CACNA1C: variants seen among roughly 807,000 people sequenced by gnomAD.
CACNA1C encodes calcium voltage-gated channel subunit alpha1 C, also known as voltage-dependent L-type calcium channel subunit alpha-1C.
In CACNA1C, 30 loss-of-function variants were observed where a neutral mutation model predicts 229.0. The observed-to-expected ratio is 0.13, with a 90% confidence interval of 0.10 to 0.18. The LOEUF is 0.18. Among genes scored for constraint, CACNA1C ranks in the 10% least tolerant of loss-of-function variants. CACNA1C has a pLI of 1.00. For missense variants in CACNA1C, 1,658 were observed against 2,845.0 expected, an observed-to-expected ratio of 0.58 and a Z score of 9.49; for synonymous variants, 1,114 against 1,132.5, an observed-to-expected ratio of 0.98 and a Z score of 0.33.
At chr12:2,242,454 A>G (rs901786681) in intron 3 of CACNA1C, among the ~76,000 whole-genome samples, 4 of 152,204 alleles carry the variant, frequency 2.6e-5, no homozygotes, top group Non-Finnish European at 4.4e-5. Context: ...GACGGTCATC[A>G]CTGAGGAAGT....
At chr12:2,506,424 C>A (rs1168058882) in intron 8 of CACNA1C, among the ~76,000 whole-genome samples, 1 of 152,176 alleles carries the variant, frequency 6.6e-6, no homozygotes, top group African/African-American at 2.4e-5. Context: ...CTTTTTAAAT[C>A]TTAGTTTCCC....
At chr12:2,411,092 G>T (rs1322681368) in intron 3 of CACNA1C, among the ~76,000 whole-genome samples, 1 of 152,094 alleles carries the variant, frequency 6.6e-6, no homozygotes, top group Non-Finnish European at 1.5e-5. Flanking sequence ...GTCCCCAACT[G>T]CTCCGCCCGT....
At chr12:2,185,650 C>T (rs1008548082) in intron 3 of CACNA1C, among the ~76,000 whole-genome samples, 2 of 152,198 alleles carry the variant, frequency 1.3e-5, no homozygotes, top group Non-Finnish European at 2.9e-5. Flanking sequence ...CAAGCCATGG[C>T]GGGAGGCCTC....
At chr12:2,498,636 C>A (rs375885982) in intron 7 of CACNA1C, among the ~76,000 whole-genome samples, 1 of 152,188 alleles carries the variant, frequency 6.6e-6, no homozygotes, top group African/African-American at 2.4e-5. Flanking sequence ...GCAGGACATG[C>A]GGAGGAACAC....
intron 1 of CACNA1C, chr12:2,004,607 C>A (rs1333641426): frequency 2.3e-6 from 2 of 873,734 alleles, no homozygotes; most frequent in Non-Finnish European, 3.4e-6. Context: ...CCTCACTAAT[C>A]GATGGCCGCG....
Position 2,608,766 on chromosome 12 carries a change from C to G in CACNA1C, c.3558+54C>G. On this transcript the variant is annotated intron_variant, in intron 27 of 46. Coordinates refer to ENST00000399655, the MANE Select transcript of CACNA1C (RefSeq NM_000719.7). This position sits in a 1 kb window ranked among gnomAD's most constrained non-coding sequence, Gnocchi z 4.2. Reference sequence around the variant, plus strand: ...GCGGGGCCCACGGAGGGAATGGCAGCCTGCGGCCCACCCCGCAGAGGGGCT... The same window carrying G: ...GCGGGGCCCACGGAGGGAATGGCAGGCTGCGGCCCACCCCGCAGAGGGGCT... The G allele has an allele frequency of 6.3e-7, 1 of 1,577,000 alleles. No homozygotes were observed. The highest frequency in any genetic ancestry group is 8.7e-7 in the Non-Finnish European group (1 of 1,152,094).
chr12:2,059,135 T>G (rs1408755319), intron 1 of CACNA1C, among the ~76,000 whole-genome samples: 1 of 152,078 alleles, frequency 6.6e-6, no homozygotes, highest in Non-Finnish European at 1.5e-5. Context: ...GTGTACCGTG[T>G]GGGCAGGACC....
intron 3 of CACNA1C, among the ~76,000 whole-genome samples, chr12:2,246,086 C>T (rs972677192): frequency 6.6e-6 from 1 of 152,126 alleles, no homozygotes; most frequent in Non-Finnish European, 1.5e-5. Flanking sequence ...AGAGTCACCA[C>T]AAAGCACCTG....
At position 2,108,144 on chromosome 12, in the gene CACNA1C, C is replaced by G. The variant is rs1189398553; in HGVS notation, c.50-7080C>G. 6.6e-6 allele frequency among the ~76,000 whole-genome samples: 1 copy of G among 152,074 alleles called. No homozygotes were observed. Among genetic ancestry groups the G allele is most frequent in the Non-Finnish European group, 1.5e-5 (1 of 68,024 alleles). On this transcript the variant is annotated intron_variant, in intron 1 of 46. Transcript: ENST00000399655. The surrounding 1 kb of genome is among the most constrained non-coding windows in gnomAD (Gnocchi z 5.3). ...TTGGACAGTGTTGCTATAGACTGGT[C>G]TATATATCTCAGTCAGGGTTCAGGC...
chr12:2,476,666 A>T (rs2099630871), intron 5 of CACNA1C, among the ~76,000 whole-genome samples: 4 of 152,232 alleles, frequency 2.6e-5, no homozygotes, highest in Admixed American at 2.6e-4. Context: ...ATAAAAAATT[A>T]ATTCAACTTG....
intron 7 of CACNA1C, among the ~76,000 whole-genome samples, chr12:2,503,099 GC>G (rs1202142160): frequency 6.6e-6 from 1 of 152,184 alleles, no homozygotes; most frequent in Non-Finnish European, 1.5e-5. Flanking sequence ...GAAATTGGGA[GC>G]TATGGAGAGA....
intron 1 of CACNA1C, among the ~76,000 whole-genome samples, chr12:2,007,076 T>C (rs569812575): frequency 6.6e-6 from 1 of 152,346 alleles, no homozygotes; most frequent in East Asian, 1.9e-4. Flanking sequence ...AAAACAAGTT[T>C]AATCTGTAAT....
At chr12:2,374,320 T>C (rs1594541250) in intron 3 of CACNA1C, among the ~76,000 whole-genome samples, 1 of 152,378 alleles carries the variant, frequency 6.6e-6, no homozygotes, top group South Asian at 2.1e-4. Flanking sequence ...GGTTTTTTAT[T>C]GTGGTGGCAA....
At position 2,346,114 on chromosome 12, in the gene CACNA1C, G is replaced by A. The variant is rs1193785895; in HGVS notation, c.478-102862G>A. ...CGCTGAAGCTCCCCAGGTGCACCAG[G>A]AGCCTTCCCAAGACCTGGATCCGCT... On this transcript the variant is annotated intron_variant, in intron 3 of 46. Transcript: ENST00000399655. This position sits in a 1 kb window ranked among gnomAD's most constrained non-coding sequence, Gnocchi z 4.4. Among the ~76,000 whole-genome samples, 2 of 152,164 alleles carry A rather than the reference G, an allele frequency of 1.3e-5. No homozygotes were observed. Among genetic ancestry groups the A allele is most frequent in the Admixed American group, 1.3e-4 (2 of 15,282 alleles).
chr12:2,007,351 C>T (rs1178268685), intron 1 of CACNA1C, among the ~76,000 whole-genome samples: 34 of 152,084 alleles, frequency 2.2e-4, no homozygotes, highest in Admixed American at 2.2e-3. Context: ...GCTTTGAGCT[C>T]ATTAGAGAAG....
intron 3 of CACNA1C, among the ~76,000 whole-genome samples, chr12:2,237,847 T>C (rs2068045327): frequency 6.6e-6 from 1 of 152,220 alleles, no homozygotes; most frequent in Non-Finnish European, 1.5e-5. Flanking sequence ...GAACATTAAT[T>C]AACAAATGTG....
intron 1 of CACNA1C, among the ~76,000 whole-genome samples, chr12:2,042,667 A>C (rs1044819545): frequency 6.6e-6 from 1 of 152,116 alleles, no homozygotes; most frequent in Non-Finnish European, 1.5e-5. Flanking sequence ...TTCTCTGCTG[A>C]AGTGTAGGAT....
intron 1 of CACNA1C, among the ~76,000 whole-genome samples, chr12:2,106,377 A>G (rs1595984063): frequency 1.8e-5 from 1 of 55,058 alleles, no homozygotes; most frequent in Non-Finnish European, 4.0e-5. Context: ...CTGGGCGCCC[A>G]CCCCGGGGAG....
chr12:2,378,818 C>CTTCA, intron 3 of CACNA1C, among the ~76,000 whole-genome samples: 1 of 85,056 alleles, frequency 1.2e-5, no homozygotes, highest in Admixed American at 1.2e-4. Context: ...TCCTTCCTTC[C>CTTCA]TCTCTCTCTT....
Sources: allele counts gnomAD v4.1 joint callset (sites outside exome capture counted in the v4.1 genomes callset), GRCh38; gene constraint gnomAD v4.1.1; non-coding constraint Gnocchi (gnomAD v3.1); transcripts MANE v1.5; gene names NCBI Gene and HGNC (gene_info 2026-07-23, HGNC 2026-07-21).